The following CDKAL1 variants were observed in gnomAD, a reference collection of about 807,000 sequenced individuals.
CDKAL1 encodes the protein threonylcarbamoyladenosine tRNA methylthiotransferase.
In CDKAL1, 32 loss-of-function variants were observed where a neutral mutation model predicts 68.2. That is an observed-to-expected ratio of 0.47 (90% CI 0.35 to 0.63). The LOEUF (loss-of-function observed/expected upper bound fraction) is 0.63. CDKAL1 is among the 30% of genes least tolerant of loss of function. The pLI is 0.00. For missense variants in CDKAL1, 606 were observed against 696.7 expected (o/e 0.87, Z 1.47); for synonymous variants, 234 against 244.3 (o/e 0.96, Z 0.39).
At chr6:20,769,034 C>T (rs1303121934) in intron 7 of CDKAL1, among the ~76,000 whole-genome samples, 2 of 152,038 alleles carry the variant, frequency 1.3e-5, no homozygotes, top group African/African-American at 4.8e-5. Context: ...ACTCAGGCGT[C>T]CTGAGGTGGA....
intron 8 of CDKAL1, among the ~76,000 whole-genome samples, chr6:20,801,661 G>A (rs191146386): frequency 7.3e-4 from 111 of 152,216 alleles, no homozygotes; most frequent in Non-Finnish European, 1.5e-3. Context: ...GCTGAGTTTC[G>A]ACAAATGCGT....
intron 11 of CDKAL1, among the ~76,000 whole-genome samples, chr6:21,007,011 T>C (rs1365241330): frequency 2.0e-5 from 3 of 152,232 alleles, no homozygotes; most frequent in Admixed American, 6.5e-5. Context: ...TTTTCTTTTT[T>C]TGACAGAGTG....
rs187232806 is a variant in CDKAL1, at chr6:20,640,157, A to G, written c.287-9136A>G. ...TGTTTGGACTTGACTTGTCTTCCAG[A>G]GTTCTGTGGTAAAGAAACTCTCAAA... On this transcript the variant is annotated intron_variant, in intron 4 of 15. Coordinates refer to ENST00000274695, the MANE Select transcript of CDKAL1 (RefSeq NM_017774.3). Among the ~76,000 whole-genome samples the G allele has an allele frequency of 2.7e-5, 4 of 149,454 alleles. No individual in the cohort carries two copies. The East Asian group carries it at 7.9e-4, about 30-fold the overall frequency.
intron 10 of CDKAL1, among the ~76,000 whole-genome samples, chr6:20,972,446 G>A (rs184080380): frequency 1.6e-4 from 24 of 152,284 alleles, no homozygotes; most frequent in Non-Finnish European, 2.2e-4. Flanking sequence ...AGTTTTATCC[G>A]TGGAAGCCTA....
At chr6:21,182,536 A>G (rs1215827485) in intron 13 of CDKAL1, among the ~76,000 whole-genome samples, 1 of 152,172 alleles carries the variant, frequency 6.6e-6, no homozygotes, top group Non-Finnish European at 1.5e-5. Flanking sequence ...GTAGTGCTAT[A>G]TGTGTGTATG....
chr6:20,733,076 C>G (rs780151620), intron 5 of CDKAL1, among the ~76,000 whole-genome samples: 4 of 152,298 alleles, frequency 2.6e-5, no homozygotes, highest in Admixed American at 2.6e-4. Flanking sequence ...CCCAGTGCCC[C>G]TGACCTTCTC....
At chr6:20,625,944 C>G (rs2127737380) in intron 4 of CDKAL1, among the ~76,000 whole-genome samples, 1 of 152,266 alleles carries the variant, frequency 6.6e-6, no homozygotes, top group Middle Eastern at 3.4e-3. Flanking sequence ...ATCTGCCTTT[C>G]TTGTGATCCC....
At chr6:20,926,124 T>G (rs1377776259) in intron 9 of CDKAL1, among the ~76,000 whole-genome samples, 1 of 152,018 alleles carries the variant, frequency 6.6e-6, no homozygotes, top group Non-Finnish European at 1.5e-5. Context: ...ATGACATCAG[T>G]ATGGGAGAAA....
At chr6:20,635,280 A>T (rs941405128) in intron 4 of CDKAL1, among the ~76,000 whole-genome samples, 5 of 151,834 alleles carry the variant, frequency 3.3e-5, no homozygotes, top group Non-Finnish European at 7.4e-5. Context: ...CTCCCTTTTT[A>T]CTCCGGGTGG....
intron 4 of CDKAL1, among the ~76,000 whole-genome samples, chr6:20,640,040 A>T (rs968232776): frequency 2.0e-5 from 3 of 152,250 alleles, no homozygotes; most frequent in African/African-American, 7.2e-5. Context: ...TTATTAAAGC[A>T]TACTCTATTC....
In CDKAL1 at chr6:21,232,003, G is replaced by GTTTTTTTTTTTTTTTTTTTTTT. The variant is rs71530402; in HGVS notation, c.*969_*970insTTTTTTTTTTTTTTTTTTTTTT. On this transcript the variant is annotated 3_prime_UTR_variant, in exon 16 of 16. Coordinates refer to ENST00000274695, the MANE Select transcript of CDKAL1 (RefSeq NM_017774.3). The stretch of plus-strand genomic sequence containing the variant: ...TTTGATCCATTGGGGTTTTTTTTTT[G>GTTTTTTTTTTTTTTTTTTTTTT]TTTTTGTTTTTTTTTTTTTTTGAGT... The GTTTTTTTTTTTTTTTTTTTTTT allele has an allele frequency of 1.3e-5, 1 of 76,088 alleles. No homozygotes were observed. The allele number at this position is 76,088 out of a possible 1,614,324, so 4.7% of individuals were successfully genotyped here.
At chr6:20,888,380 A>G (rs1323440661) in intron 9 of CDKAL1, among the ~76,000 whole-genome samples, 1 of 124,890 alleles carries the variant, frequency 8.0e-6, no homozygotes, top group Admixed American at 8.3e-5. Context: ...TAATTTTATT[A>G]TTATTATACT....
At position 20,728,875 on chromosome 6, in the gene CDKAL1, A is replaced by G. The variant is rs28570482; in HGVS notation, c.372-10644A>G. 2.1e-4 allele frequency among the ~76,000 whole-genome samples: 32 copies of G among 151,122 alleles called. No individual in the cohort carries two copies. The East Asian group carries it at 3.5e-3, about 16-fold the overall frequency. ...TTTCTTTTCTTTTCTTTCTTTTTTT[A>G]TTTTTTTTGACCAAAAATGATTTGG... On this transcript the variant is annotated intron_variant, in intron 5 of 15. Coordinates refer to ENST00000274695, the MANE Select transcript of CDKAL1 (RefSeq NM_017774.3).
chr6:21,094,076 A>G (rs1773197184), intron 12 of CDKAL1, among the ~76,000 whole-genome samples: 1 of 152,260 alleles, frequency 6.6e-6, no homozygotes, highest in Non-Finnish European at 1.5e-5. Flanking sequence ...AAAACAAAAT[A>G]TACAGACAAG....
chr6:21,107,208 G>C (rs1293054043), intron 12 of CDKAL1, among the ~76,000 whole-genome samples: 5 of 151,682 alleles, frequency 3.3e-5, no homozygotes, highest in African/African-American at 1.2e-4. Context: ...CGGCCTCCCA[G>C]AGTGCTGGGA....
chr6:20,957,008 T>TAAAAAAAAAAAAAAAAAAAAAAAACAAAA (rs70990087), intron 10 of CDKAL1, among the ~76,000 whole-genome samples: 1 of 113,836 alleles, frequency 8.8e-6, no homozygotes, highest in Non-Finnish European at 1.7e-5. Context: ...TGATTCTCTG[T>TAAAAAAAAAAAAAAAAAAAAAAAACAAAA]AAAAAAAAAA....
At chr6:20,599,779 G>A (rs1312995962) in intron 4 of CDKAL1, among the ~76,000 whole-genome samples, 2 of 152,120 alleles carry the variant, frequency 1.3e-5, no homozygotes, top group Admixed American at 1.3e-4. Context: ...CATAAAATTG[G>A]TCATCTTGAT....
At chr6:20,972,933 T>C (rs1765665638) in intron 10 of CDKAL1, among the ~76,000 whole-genome samples, 1 of 152,080 alleles carries the variant, frequency 6.6e-6, no homozygotes, top group Admixed American at 6.5e-5. Context: ...AGATAACATA[T>C]CACTAGTGCT....
chr6:21,226,705 TTTTTGTTTTG>T (rs575298824), intron 15 of CDKAL1, among the ~76,000 whole-genome samples: 495 of 152,206 alleles, frequency 3.3e-3, no homozygotes, highest in Middle Eastern at 6.8e-3. Context: ...GTTGTTGCTG[TTTTTGTTTTG>T]TTTTGTTTTG....
Sources: gnomAD v4.1 joint callset for allele counts (sites outside exome capture counted in the v4.1 genomes callset) on GRCh38, gnomAD v4.1.1 for gene constraint, MANE v1.5 for transcripts, NCBI Gene and HGNC (gene_info 2026-07-23, HGNC 2026-07-21) for gene names.